The following ZBTB20 variants were observed in gnomAD, a reference collection of about 807,000 sequenced individuals.
ZBTB20 encodes the protein zinc finger and BTB domain containing 20.
Under a neutral mutation model 56.9 loss-of-function variants are expected in ZBTB20, and 9 were observed. The ratio of observed to expected loss-of-function variants is 0.16; its 90% CI spans 0.10 to 0.28. ZBTB20 has a LOEUF of 0.28. Among genes scored for constraint, ZBTB20 ranks in the 10% least tolerant of loss-of-function variants. The pLI is 1.00. For synonymous variants in ZBTB20, 417 were observed against 420.7 expected, an observed-to-expected ratio of 0.99 and a Z score of 0.11; for missense variants, 655 against 1,003.0, an observed-to-expected ratio of 0.65 and a Z score of 4.69.
At chr3:114,534,903 CA>C (rs2048290237) in intron 6 of ZBTB20, among the ~76,000 whole-genome samples, 1 of 152,078 alleles carries the variant, frequency 6.6e-6, no homozygotes, top group African/African-American at 2.4e-5. Flanking sequence ...GGGTAAACAA[CA>C]AAATTAAGGC....
At chr3:114,587,169 G>C (rs897010364) in intron 6 of ZBTB20, among the ~76,000 whole-genome samples, 1 of 151,682 alleles carries the variant, frequency 6.6e-6, no homozygotes, top group Non-Finnish European at 1.5e-5. Flanking sequence ...GCTAATTTTT[G>C]TATTTTTAGT....
intron 5 of ZBTB20, among the ~76,000 whole-genome samples, chr3:114,748,218 T>G (rs1163644380): frequency 2.6e-5 from 4 of 152,126 alleles, no homozygotes; most frequent in Admixed American, 2.6e-4. Context: ...ACATAAATTT[T>G]TTATAGTTTT....
At chr3:114,397,006 G>T (rs535495613) in intron 7 of ZBTB20, among the ~76,000 whole-genome samples, 27 of 152,112 alleles carry the variant, frequency 1.8e-4, no homozygotes, top group Non-Finnish European at 3.8e-4. Flanking sequence ...TGGTTCATTA[G>T]TAGGCCCCAG....
intron 10 of ZBTB20, among the ~76,000 whole-genome samples, chr3:114,371,733 C>T (rs770012948): frequency 6.6e-5 from 10 of 152,182 alleles, no homozygotes; most frequent in Non-Finnish European, 1.3e-4. Flanking sequence ...GTTTCTGACT[C>T]TGTCATTCAT....
intron 4 of ZBTB20, among the ~76,000 whole-genome samples, chr3:114,820,859 T>C (rs2073200141): frequency 1.3e-5 from 2 of 152,120 alleles, no homozygotes; most frequent in Non-Finnish European, 2.9e-5. Context: ...AATGCTCTGA[T>C]GGCCTTTCCC....
At chr3:114,728,611 A>T (rs184339046) in intron 5 of ZBTB20, among the ~76,000 whole-genome samples, 28 of 152,336 alleles carry the variant, frequency 1.8e-4, no homozygotes, top group African/African-American at 4.3e-4. Flanking sequence ...TAGTTACAGT[A>T]ACTGCCCCTC....
At chr3:114,646,802 T>C (rs1183552731) in intron 6 of ZBTB20, among the ~76,000 whole-genome samples, 1 of 152,166 alleles carries the variant, frequency 6.6e-6, no homozygotes, top group East Asian at 1.9e-4. Flanking sequence ...CGTTGGAAGA[T>C]AAATAACCTC....
chr3:114,441,997 A>G (rs888388213), intron 7 of ZBTB20, among the ~76,000 whole-genome samples: 3 of 152,210 alleles, frequency 2.0e-5, no homozygotes, highest in African/African-American at 7.2e-5. Context: ...AAGTAAAGTG[A>G]AAAGCTCCAA....
chr3:114,746,011 C>A (rs9826148), intron 5 of ZBTB20, among the ~76,000 whole-genome samples: 2 of 152,010 alleles, frequency 1.3e-5, no homozygotes, highest in Non-Finnish European at 2.9e-5. Flanking sequence ...GGGCCTATGG[C>A]GTAAAAGCAT....
chr3:115,064,015 C>A (rs558406673), intron 2 of ZBTB20, among the ~76,000 whole-genome samples: 1 of 152,174 alleles, frequency 6.6e-6, no homozygotes, highest in South Asian at 2.1e-4. Flanking sequence ...CTTTGCCCCC[C>A]ACATTCCCAA....
intron 5 of ZBTB20, among the ~76,000 whole-genome samples, chr3:114,701,313 G>A (rs1333191944): frequency 6.6e-6 from 1 of 152,098 alleles, no homozygotes; most frequent in Non-Finnish European, 1.5e-5. Flanking sequence ...TTCCTCATAA[G>A]CTCATTCCCA....
At chr3:114,846,471 G>C (rs2074710466) in intron 4 of ZBTB20, among the ~76,000 whole-genome samples, 1 of 152,160 alleles carries the variant, frequency 6.6e-6, no homozygotes, top group Non-Finnish European at 1.5e-5. Context: ...GCCAATCTGG[G>C]GAGTGTCCTG....
intron 4 of ZBTB20, among the ~76,000 whole-genome samples, chr3:114,817,034 G>T (rs910500864): frequency 6.6e-6 from 1 of 152,114 alleles, no homozygotes; most frequent in African/African-American, 2.4e-5. Flanking sequence ...GTACAATAAT[G>T]ATAGGAAAAG....
chr3:114,608,223 A>G (rs1231143904), intron 6 of ZBTB20, among the ~76,000 whole-genome samples: 2 of 152,232 alleles, frequency 1.3e-5, no homozygotes, highest in African/African-American at 4.8e-5. Flanking sequence ...TGGGAAGAGC[A>G]TAGGAAGAAA....
At chr3:114,923,817 A>G (rs2076050391) in intron 3 of ZBTB20, among the ~76,000 whole-genome samples, 1 of 152,172 alleles carries the variant, frequency 6.6e-6, no homozygotes, top group Non-Finnish European at 1.5e-5. Flanking sequence ...TATATATCTG[A>G]TGAAGGGTTG....
chr3:114,871,621 A>G (rs943069607), intron 4 of ZBTB20, among the ~76,000 whole-genome samples: 2 of 152,260 alleles, frequency 1.3e-5, no homozygotes, highest in East Asian at 1.9e-4. Context: ...GTGATCTTAA[A>G]AGATATGTGG....
At chr3:114,779,063 G>A (rs923101378) in intron 5 of ZBTB20, among the ~76,000 whole-genome samples, 3 of 152,014 alleles carry the variant, frequency 2.0e-5, no homozygotes, top group African/African-American at 7.3e-5. Flanking sequence ...TAATACCAGG[G>A]GGACTCAAGG....
chr3:114,707,561 T>C (rs2063786170), intron 5 of ZBTB20, among the ~76,000 whole-genome samples: 1 of 152,168 alleles, frequency 6.6e-6, no homozygotes, highest in South Asian at 2.1e-4. Flanking sequence ...ACCCTTTCCC[T>C]AGAACAGTTT....
intron 3 of ZBTB20, among the ~76,000 whole-genome samples, chr3:114,909,925 C>T (rs564500246): frequency 3.3e-5 from 5 of 151,532 alleles, no homozygotes; most frequent in South Asian, 2.1e-4. Context: ...AAAGCTGAAA[C>T]GTAACAATAA....
Sources: allele counts gnomAD v4.1 joint callset (sites outside exome capture counted in the v4.1 genomes callset), GRCh38; gene constraint gnomAD v4.1.1; transcripts MANE v1.5; gene names NCBI Gene and HGNC (gene_info 2026-07-23, HGNC 2026-07-21).